Variants in TMCC2 observed in about 807,000 individuals in gnomAD.
TMCC2 encodes transmembrane and coiled-coil domains protein 2.
TMCC2 carries 16 observed loss-of-function variants against 49.4 expected under a neutral mutation model. That is an observed-to-expected ratio of 0.32 (90% confidence interval 0.22 to 0.49). The LOEUF (loss-of-function observed/expected upper bound fraction) is 0.49. Ranked by LOEUF, TMCC2 falls within the 20% of genes least tolerant of loss-of-function variation. TMCC2 has a pLI of 0.99. For synonymous variants in TMCC2, 397 were observed against 434.1 expected (o/e 0.91, Z 1.06); for missense variants, 762 against 989.8 (o/e 0.77, Z 3.09).
chr1:205,262,096 C>T (rs1661139541), intron 2 of TMCC2, among the ~76,000 whole-genome samples: 1 of 152,196 alleles, frequency 6.6e-6, no homozygotes, highest in African/African-American at 2.4e-5. Flanking sequence ...GCCCTCTCTC[C>T]ATCGAGTCCT....
intron 2 of TMCC2, among the ~76,000 whole-genome samples, chr1:205,265,240 T>C (rs1053299346): frequency 6.6e-6 from 1 of 152,164 alleles, no homozygotes; most frequent in African/African-American, 2.4e-5. Context: ...CCCCAGCTGT[T>C]TTTCCCAGGA....
chr1:205,242,119 A>T, intron 2 of TMCC2, 75 bp downstream of exon 2: 1 of 1,461,868 alleles, frequency 6.8e-7, no homozygotes, highest in Non-Finnish European at 9.1e-7. Context: ...AGACCTGGGG[A>T]GCTGAGCCAG....
Position 205,242,053 on chromosome 1 carries a change from G to A in TMCC2, c.747+9G>A. On this transcript the variant is annotated intron_variant, in intron 2 of 4. Coordinates refer to ENST00000358024, the MANE Select transcript of TMCC2 (RefSeq NM_014858.4). ...AAGGCATCGGGGACAAGGTGAGATG[G>A]GCCTTCTGGGGCAGGGGGAGACTCA... 1 of 1,560,604 alleles carries A rather than the reference G, an allele frequency of 6.4e-7. No homozygotes were observed. The highest frequency in any genetic ancestry group is 8.7e-7 in the Non-Finnish European group (1 of 1,152,824).
intron 1 of TMCC2, chr1:205,229,581 A>AGGGGGGGGGGG (rs1659711192): frequency 3.9e-6 from 3 of 771,884 alleles, no homozygotes; most frequent in African/African-American, 3.3e-5. Flanking sequence ...CGGGGGGGGA[A>AGGGGGGGGGGG]GGTGGATTTC....
chr1:205,252,179 C>A (rs1243722415), intron 2 of TMCC2, among the ~76,000 whole-genome samples: 1 of 152,224 alleles, frequency 6.6e-6, no homozygotes, highest in Non-Finnish European at 1.5e-5. Context: ...CACTGCCCAA[C>A]ATCTGGGCTC....
chr1:205,256,191 C>A, intron 2 of TMCC2: 1 of 1,456,512 alleles, frequency 6.9e-7, no homozygotes, highest in Non-Finnish European at 9.0e-7. Context: ...TGGAGTTCCT[C>A]ACCAGACTCA....
intron 2 of TMCC2, among the ~76,000 whole-genome samples, chr1:205,262,574 G>C (rs1661160434): frequency 6.6e-6 from 1 of 152,200 alleles, no homozygotes; most frequent in South Asian, 2.1e-4. Flanking sequence ...GCTATTTCCT[G>C]TTAACATGCA....
At chr1:205,257,352 A>C in intron 2 of TMCC2, 4 of 1,232,186 alleles carry the variant, frequency 3.2e-6, no homozygotes, top group Non-Finnish European at 4.0e-6. Flanking sequence ...GCTTCGGGAA[A>C]CAGTGCCCAC....
chr1:205,255,527 C>G lies in TMCC2; in HGVS notation c.748-13423C>G, dbSNP rs547436989. ...CCAAGATCGCGTCAATGCATTCCAG[C>G]CTGGTGACAGGGCAAAACTCCATCT... is the stretch of plus-strand genomic sequence containing the variant. On this transcript the variant is annotated intron_variant, in intron 2 of 4. Coordinates refer to ENST00000358024, the MANE Select transcript of TMCC2 (RefSeq NM_014858.4). Among the ~76,000 whole-genome samples the G allele has an allele frequency of 4.6e-5, 7 of 152,164 alleles. No homozygotes were observed. The East Asian group carries it at 9.7e-4, about 21-fold the overall frequency.
At chr1:205,246,167 A>G (rs1660444131) in intron 2 of TMCC2, among the ~76,000 whole-genome samples, 1 of 152,024 alleles carries the variant, frequency 6.6e-6, no homozygotes, top group Admixed American at 6.6e-5. Context: ...TGATGATTCT[A>G]TGTGGGCATG....
At position 205,271,741 on chromosome 1, in the gene TMCC2, G is replaced by T. The variant is rs1034639866; in HGVS notation, c.1819-72G>T. On this transcript the variant is annotated intron_variant, in intron 4 of 4. Transcript: ENST00000358024. ...TTCGTTATAGGCACCTTCTCAGTGG[G>T]GTAGGTAGGTTTTCAGCCTAGGGGT... The T allele has an allele frequency of 7.1e-6, 11 of 1,543,120 alleles. No individual in the cohort carries two copies. In the African/African-American group the frequency reaches 1.2e-4, roughly 17 times the overall value.
chr1:205,262,236 C>T (rs567460271), intron 2 of TMCC2, among the ~76,000 whole-genome samples: 1 of 152,244 alleles, frequency 6.6e-6, no homozygotes, highest in African/African-American at 2.4e-5. Context: ...ATTGGAGACC[C>T]AACAGCAGAT....
chr1:205,263,995 G>GT (rs1411041386), intron 2 of TMCC2, among the ~76,000 whole-genome samples: 1 of 152,170 alleles, frequency 6.6e-6, no homozygotes, highest in East Asian at 1.9e-4. Context: ...GTAGGCCTTG[G>GT]TTTTCTCTCC....
In TMCC2 at chr1:205,230,997, TCC is replaced by T. The variant is rs57350842; in HGVS notation, c.207+2235_207+2236del. Among the ~76,000 whole-genome samples, 46 of 42,276 alleles carry T rather than the reference TCC, an allele frequency of 1.1e-3. 1 individual carries two copies. Among genetic ancestry groups the T allele is most frequent in the East Asian group, 2.2e-3 (3 of 1,348 alleles). 27.7% of individuals were successfully genotyped at this position (42,276 alleles called of 152,430 possible). On this transcript the variant is annotated intron_variant, in intron 1 of 4. Transcript: ENST00000358024. The stretch of plus-strand genomic sequence containing the variant: ...CGCCCCCATCCACCCCATCCCCCCA[TCC>T]CCCCCCCCGCCCCCAGAGAAAACAT...
chr1:205,268,813 C>G (rs995377380), intron 2 of TMCC2, 137 bp from the exon 3 acceptor site: 2 of 798,036 alleles, frequency 2.5e-6, no homozygotes, highest in Non-Finnish European at 4.0e-6. Flanking sequence ...GTCAGGGATA[C>G]TGCTCTTGTG....
chr1:205,252,999 T>C (rs1421877731), intron 2 of TMCC2, among the ~76,000 whole-genome samples: 1 of 151,290 alleles, frequency 6.6e-6, no homozygotes, highest in Non-Finnish European at 1.5e-5. Context: ...CTGAGTGTGG[T>C]GACATGCACC....
rs879108998 is a variant in TMCC2 at position 205,246,802 on chromosome 1, G to T, written c.747+4758G>T. 2.7e-5 allele frequency: 31 copies of T among 1,160,962 alleles called. 1 individual carries two copies. In the South Asian group the frequency reaches 3.2e-4, roughly 12 times the overall value. The allele number at this position is 1,160,962 out of a possible 1,614,324, so 71.9% of individuals were successfully genotyped here. A position where few individuals can be genotyped will look rare whatever the true frequency, so the allele number is the denominator to read the frequency against. On this transcript the variant is annotated intron_variant, in intron 2 of 4. Coordinates refer to ENST00000358024, the MANE Select transcript of TMCC2 (RefSeq NM_014858.4). ...GGAAAACGTGAACCTTGCTGTCTTT[G>T]GTTGCCTAGGGCTCCCATGAAGACC...
rs1659641924 is a variant in TMCC2 at position 205,228,030 on chromosome 1, AG to A, written c.-530del. 1 of 146,430 alleles carries A rather than the reference AG, an allele frequency of 6.8e-6. No individual in the cohort carries two copies. Among genetic ancestry groups the A allele is most frequent in the Non-Finnish European group, 1.5e-5 (1 of 65,888 alleles). 9.1% of individuals were successfully genotyped at this position (146,430 alleles called of 1,614,324 possible). On this transcript the variant is annotated 5_prime_UTR_variant, in exon 1 of 5. Coordinates refer to ENST00000358024, the MANE Select transcript of TMCC2 (RefSeq NM_014858.4). ...GGGGAGCGGGGCGCGCGGGCCGGGGAGGGGGCCGGGCGCGCTGCGGGCTCCG... is the reference window on the plus strand; with the variant it reads ...GGGGAGCGGGGCGCGCGGGCCGGGGAGGGGCCGGGCGCGCTGCGGGCTCCG...
At chr1:205,230,997 T>TCCCCCCCCCCCCC (rs57350842) in intron 1 of TMCC2, among the ~76,000 whole-genome samples, 5 of 42,272 alleles carry the variant, frequency 1.2e-4, no homozygotes, top group Non-Finnish European at 1.0e-4. Context: ...CATCCCCCCA[T>TCCCCCCCCCCCCC]CCCCCCCCCC....
Sources: allele counts gnomAD v4.1 joint callset (sites outside exome capture counted in the v4.1 genomes callset), GRCh38; gene constraint gnomAD v4.1.1; transcripts MANE v1.5; gene names NCBI Gene and HGNC (gene_info 2026-07-23, HGNC 2026-07-21).